Variants in SHISA9 observed in about 807,000 individuals in gnomAD.
SHISA9 encodes the protein protein shisa-9.
SHISA9 carries 13 observed loss-of-function variants against 38.0 expected under a neutral mutation model. The ratio of observed to expected loss-of-function variants is 0.34; its 90% CI spans 0.22 to 0.54. SHISA9 has a LOEUF of 0.54. Among genes scored for constraint, SHISA9 ranks in the 20% least tolerant of loss-of-function variants. The probability of loss-of-function intolerance (pLI) is 0.91; values close to 1 mark genes in which losing one functional copy is unlikely to be tolerated. For missense variants in SHISA9, 538 were observed against 575.8 expected, an observed-to-expected ratio of 0.93 and a Z score of 0.67; for synonymous variants, 275 against 242.0, an observed-to-expected ratio of 1.14 and a Z score of -1.27.
chr16:13,044,037 T>A (rs1173246897), intron 2 of SHISA9, among the ~76,000 whole-genome samples: 1 of 152,206 alleles, frequency 6.6e-6, no homozygotes, highest in African/African-American at 2.4e-5. Context: ...CTGTTTGTGG[T>A]CCCCCAGTTA....
intron 2 of SHISA9, among the ~76,000 whole-genome samples, chr16:13,098,842 T>C (rs2073851809): frequency 6.6e-6 from 1 of 152,256 alleles, no homozygotes; most frequent in Non-Finnish European, 1.5e-5. Context: ...AATCTCTTCC[T>C]AGATCTGCGG....
rs1439986086 is a variant in SHISA9 at position 13,029,889 on chromosome 16, A to G, written c.691+113074A>G. On this transcript the variant is annotated intron_variant, in intron 2 of 4. Transcript: ENST00000558583. ...TGGGAGCCAGAGGCCTAGAGGGTCA[A>G]ATCTCAGCTCTGCTTCTTCCTTACC... Among the ~76,000 whole-genome samples the G allele has an allele frequency of 2.0e-5, 3 of 152,346 alleles. No individual in the cohort carries two copies. The East Asian group carries it at 5.8e-4, about 29-fold the overall frequency.
chr16:13,258,882 G>A, the SHISA9 span, among the ~76,000 whole-genome samples: 1 of 152,118 alleles, frequency 6.6e-6, no homozygotes, highest in Non-Finnish European at 1.5e-5. Context: ...TAAGATTTGG[G>A]TGGGGACACA....
chr16:12,963,523 A>G (rs1036274991), intron 2 of SHISA9, among the ~76,000 whole-genome samples: 1 of 152,238 alleles, frequency 6.6e-6, no homozygotes, highest in Non-Finnish European at 1.5e-5. Flanking sequence ...GGGATAATTA[A>G]TAATAGTTGA....
chr16:13,542,723 G>A, the SHISA9 span, among the ~76,000 whole-genome samples: 36 of 152,262 alleles, frequency 2.4e-4, no homozygotes, highest in East Asian at 6.7e-3. Flanking sequence ...AAGTTAACTC[G>A]CTTAAATCAA....
the SHISA9 span, among the ~76,000 whole-genome samples, chr16:13,480,660 A>G: frequency 0.29 from 43,976 of 151,956 alleles, 6,600 homozygotes; most frequent in East Asian, 0.38. Context: ...GCACCCTCTG[A>G]AGCAAACCCT....
intron 2 of SHISA9, among the ~76,000 whole-genome samples, chr16:13,103,384 T>C (rs2073897422): frequency 6.6e-6 from 1 of 152,194 alleles, no homozygotes; most frequent in African/African-American, 2.4e-5. Flanking sequence ...AATGATTATG[T>C]TTCTGAGATG....
At chr16:13,110,387 T>A (rs1023284558) in intron 2 of SHISA9, among the ~76,000 whole-genome samples, 1 of 152,204 alleles carries the variant, frequency 6.6e-6, no homozygotes, top group Non-Finnish European at 1.5e-5. Flanking sequence ...CTGCGATGTT[T>A]CCGTGCTGAA....
intron 2 of SHISA9, among the ~76,000 whole-genome samples, chr16:12,988,288 C>T (rs1272669778): frequency 1.3e-5 from 2 of 152,180 alleles, no homozygotes; most frequent in Non-Finnish European, 2.9e-5. Context: ...TGACTTGAAG[C>T]TTACTCACCA....
intron 2 of SHISA9, among the ~76,000 whole-genome samples, chr16:12,977,224 G>A (rs1053436198): frequency 2.0e-5 from 3 of 152,152 alleles, no homozygotes; most frequent in Non-Finnish European, 4.4e-5. Context: ...CCTATAGTAG[G>A]CACTGGGGTT....
chr16:13,018,070 G>A (rs1425151070), intron 2 of SHISA9, among the ~76,000 whole-genome samples: 1 of 152,192 alleles, frequency 6.6e-6, no homozygotes, highest in South Asian at 2.1e-4. Flanking sequence ...CTCTGCTGAG[G>A]AGCTAGCTCA....
At chr16:13,113,891 C>T (rs2074003857) in intron 2 of SHISA9, among the ~76,000 whole-genome samples, 1 of 152,198 alleles carries the variant, frequency 6.6e-6, no homozygotes, top group Non-Finnish European at 1.5e-5. Flanking sequence ...CTGCCCTGAG[C>T]TGGCTGGCAG....
chr16:13,429,945 T>C, the SHISA9 span, among the ~76,000 whole-genome samples: 1 of 152,122 alleles, frequency 6.6e-6, no homozygotes, highest in Non-Finnish European at 1.5e-5. Flanking sequence ...TATTAGGAGA[T>C]TGAGTCTTAA....
chr16:13,151,757 C>T (rs1219610345), intron 2 of SHISA9, among the ~76,000 whole-genome samples: 1 of 152,218 alleles, frequency 6.6e-6, no homozygotes, highest in Non-Finnish European at 1.5e-5. Flanking sequence ...CACGTCAGTA[C>T]ATGCCCACTT....
At chr16:13,047,328 A>T (rs1200073369) in intron 2 of SHISA9, among the ~76,000 whole-genome samples, 1 of 136,284 alleles carries the variant, frequency 7.3e-6, no homozygotes, top group African/African-American at 2.6e-5. Context: ...TCAGACCATT[A>T]AAAAAAAAAA....
chr16:12,987,567 G>T (rs568943203), intron 2 of SHISA9, among the ~76,000 whole-genome samples: 107 of 152,190 alleles, frequency 7.0e-4, no homozygotes, highest in African/African-American at 2.4e-3. Flanking sequence ...ACATGGGGAG[G>T]GGAACAACAC....
chr16:13,249,391 C>T, the SHISA9 span, among the ~76,000 whole-genome samples: 8 of 152,138 alleles, frequency 5.3e-5, no homozygotes, highest in Non-Finnish European at 7.3e-5. Flanking sequence ...GATTTTCTTA[C>T]GTTTAAAATA....
the SHISA9 span, among the ~76,000 whole-genome samples, chr16:13,356,691 G>T: frequency 6.6e-6 from 1 of 152,082 alleles, no homozygotes; most frequent in Non-Finnish European, 1.5e-5. Context: ...GCGACGCTTG[G>T]GGTTGGTTCT....
intron 2 of SHISA9, among the ~76,000 whole-genome samples, chr16:13,175,976 T>A (rs1005795079): frequency 1.8e-4 from 27 of 152,306 alleles, no homozygotes; most frequent in African/African-American, 5.8e-4. Flanking sequence ...CTCTGTCTCT[T>A]GCCAAATCAA....
Sources: gnomAD v4.1 joint callset for allele counts (sites outside exome capture counted in the v4.1 genomes callset) on GRCh38, gnomAD v4.1.1 for gene constraint, MANE v1.5 for transcripts, NCBI Gene and HGNC (gene_info 2026-07-23, HGNC 2026-07-21) for gene names.